FSD1L: variants seen among roughly 807,000 people sequenced by gnomAD.
The protein encoded by FSD1L is FSD1-like protein.
In FSD1L, 45 loss-of-function variants were observed where a neutral mutation model predicts 71.6. The observed-to-expected ratio is 0.63, with a 90% CI of 0.49 to 0.81. The LOEUF (loss-of-function observed/expected upper bound fraction) is 0.81, where lower values mean the gene tolerates loss of function less well. Among genes scored for constraint, FSD1L ranks in the 30% least tolerant of loss-of-function variants. The pLI, the probability that FSD1L is intolerant of heterozygous loss-of-function variation, is 0.00. For missense variants in FSD1L, 561 were observed against 618.1 expected, an observed-to-expected ratio of 0.91 and a Z score of 0.98; for synonymous variants, 197 against 207.2, an observed-to-expected ratio of 0.95 and a Z score of 0.42.
intron 10 of FSD1L, among the ~76,000 whole-genome samples, chr9:105,518,146 C>A (rs917963044): frequency 6.6e-6 from 1 of 152,158 alleles, no homozygotes; most frequent in African/African-American, 2.4e-5. Flanking sequence ...CACAGGAGCA[C>A]CCAGATTCAT....
At chr9:105,501,827 A>G (rs1564118702) in intron 7 of FSD1L, among the ~76,000 whole-genome samples, 1 of 152,134 alleles carries the variant, frequency 6.6e-6, no homozygotes, top group South Asian at 2.1e-4. Flanking sequence ...TTTCCAGGTT[A>G]TTAAATTATC....
intron 7 of FSD1L, among the ~76,000 whole-genome samples, chr9:105,496,257 G>T (rs1304677988): frequency 7.2e-6 from 1 of 139,818 alleles, no homozygotes; most frequent in Non-Finnish European, 1.5e-5. Flanking sequence ...AGGCTGGAGT[G>T]CAGTGGCACA....
chr9:105,447,324 CAA>C (rs35514046), upstream of FSD1L, among the ~76,000 whole-genome samples: 89 of 61,498 alleles, frequency 1.4e-3, no homozygotes, highest in African/African-American at 5.2e-3. Context: ...ACTCCATCTC[CAA>C]AAAAAAAAAA....
intron 2 of FSD1L, among the ~76,000 whole-genome samples, chr9:105,462,758 A>C (rs1470148856): frequency 6.7e-6 from 1 of 150,126 alleles, no homozygotes; most frequent in Non-Finnish European, 1.5e-5. Context: ...CCTGACCTCA[A>C]GTGATCCACC....
Position 105,469,943 on chromosome 9 carries a change from G to A in FSD1L, c.339+1619G>A, listed in dbSNP as rs1831342916. Reference sequence around the variant, plus strand: ...TTTTTAGTTAATTTTTGCGTATGGTGTTAAGTAAGGGACCTACTTTATTTT... The same window carrying A: ...TTTTTAGTTAATTTTTGCGTATGGTATTAAGTAAGGGACCTACTTTATTTT... On this transcript the variant is annotated intron_variant, in intron 4 of 13. Transcript: ENST00000481272. Among the ~76,000 whole-genome samples, 3 of 152,100 alleles carry A rather than the reference G, an allele frequency of 2.0e-5. No homozygotes were observed. In the South Asian group the frequency reaches 6.2e-4, roughly 31 times the overall value.
At chr9:105,449,061 T>C (rs1423448976) in intron 1 of FSD1L, among the ~76,000 whole-genome samples, 1 of 152,190 alleles carries the variant, frequency 6.6e-6, no homozygotes, top group Non-Finnish European at 1.5e-5. Flanking sequence ...AATTGAAATA[T>C]AGTACAGGGT....
chr9:105,443,284 C>T (rs868682228), upstream of FSD1L, among the ~76,000 whole-genome samples: 12 of 152,294 alleles, frequency 7.9e-5, no homozygotes, highest in Middle Eastern at 3.4e-3. Flanking sequence ...CAATCATGGC[C>T]GAAGGCGAAA....
intron 7 of FSD1L, among the ~76,000 whole-genome samples, chr9:105,486,571 G>A (rs1832562562): frequency 6.6e-6 from 1 of 152,084 alleles, no homozygotes; most frequent in Non-Finnish European, 1.5e-5. Context: ...ATGTTTAGAA[G>A]TCACATTAAC....
At chr9:105,544,731 G>C (rs1192936883) in intron 13 of FSD1L, among the ~76,000 whole-genome samples, 2 of 152,110 alleles carry the variant, frequency 1.3e-5, no homozygotes, top group Non-Finnish European at 2.9e-5. Context: ...AAGATCAGAT[G>C]GTTGTTGATG....
At chr9:105,496,125 C>G (rs530741118) in intron 7 of FSD1L, among the ~76,000 whole-genome samples, 10 of 150,476 alleles carry the variant, frequency 6.6e-5, no homozygotes, top group African/African-American at 2.4e-4. Flanking sequence ...CTTACTGTTT[C>G]TTTCATGAAG....
chr9:105,533,283 C>T (rs914120938), intron 10 of FSD1L, among the ~76,000 whole-genome samples: 1 of 151,858 alleles, frequency 6.6e-6, no homozygotes, highest in African/African-American at 2.4e-5. Context: ...CATCCCAATA[C>T]TCCAGTTTTC....
chr9:105,500,591 A>G (rs1462182801), intron 7 of FSD1L: 2 of 152,104 alleles, frequency 1.3e-5, no homozygotes, highest in Non-Finnish European at 2.9e-5. Flanking sequence ...ATTTCAAAAT[A>G]CTTCCTTTTC....
intron 7 of FSD1L, among the ~76,000 whole-genome samples, chr9:105,486,680 A>G (rs1227515158): frequency 6.6e-6 from 1 of 152,146 alleles, no homozygotes; most frequent in Non-Finnish European, 1.5e-5. Context: ...TATAATTTCC[A>G]TCTGAGTGGA....
intron 1 of FSD1L, among the ~76,000 whole-genome samples, chr9:105,449,293 G>T (rs527799683): frequency 6.6e-6 from 1 of 152,308 alleles, no homozygotes; most frequent in Admixed American, 6.5e-5. Context: ...ATATGCATAT[G>T]ATTTCATTGT....
chr9:105,502,631 G>T (rs1833828875), intron 7 of FSD1L, among the ~76,000 whole-genome samples: 3 of 151,990 alleles, frequency 2.0e-5, no homozygotes, highest in African/African-American at 7.3e-5. Flanking sequence ...CTGACAGAGA[G>T]TGCACATACA....
chr9:105,523,096 A>G (rs1835285979), intron 10 of FSD1L: 1 of 1,614,170 alleles, frequency 6.2e-7, no homozygotes, highest in Non-Finnish European at 8.5e-7. Flanking sequence ...TCTGGCCATC[A>G]TCAGAGTGCT....
intron 6 of FSD1L, among the ~76,000 whole-genome samples, chr9:105,483,143 G>A (rs544005791): frequency 2.0e-5 from 3 of 152,292 alleles, no homozygotes; most frequent in African/African-American, 4.8e-5. Context: ...TAAGCAGTCA[G>A]TGTGAATTCC....
intron 7 of FSD1L, among the ~76,000 whole-genome samples, chr9:105,485,349 C>G (rs150115134): frequency 1.3e-5 from 2 of 152,220 alleles, no homozygotes; most frequent in African/African-American, 2.4e-5. Context: ...GTTAACCTCA[C>G]TTTGTAAGAA....
In FSD1L at chr9:105,464,240, C is replaced by A; in HGVS notation, c.116C>A (p.Ala39Asp). Reference sequence around the variant, plus strand: ...TAATGCTTTTCTTAATTCTAGGAAGCTCTACAGAGGATCATTTCAACTCTG... The same window carrying A: ...TAATGCTTTTCTTAATTCTAGGAAGATCTACAGAGGATCATTTCAACTCTG... ...GPESINLQQE[A>D]LQRIISTLAN... The change falls in exon 3 of 14, where the codon GCT (alanine) becomes GAT (aspartate). Residue 39 changes from alanine (A) to aspartate (D), a missense_variant. Coordinates refer to ENST00000481272, the MANE Select transcript of FSD1L (RefSeq NM_001145313.3). The A allele has an allele frequency of 1.4e-6, 2 of 1,479,824 alleles. No individual in the cohort carries two copies. The highest frequency in any genetic ancestry group is 1.3e-5 in the South Asian group (1 of 79,484). 91.7% of individuals were successfully genotyped at this position (1,479,824 alleles called of 1,614,324 possible).
Sources: gnomAD v4.1 joint callset for allele counts (sites outside exome capture counted in the v4.1 genomes callset) on GRCh38, gnomAD v4.1.1 for gene constraint, MANE v1.5 for transcripts, NCBI Gene and HGNC (gene_info 2026-07-23, HGNC 2026-07-21) for gene names.